TRAPPC9: variants seen among roughly 807,000 people sequenced by gnomAD.
TRAPPC9 encodes IKK2 binding protein.
A neutral mutation model predicts 124.0 loss-of-function variants in TRAPPC9; 83 were observed. The ratio of observed to expected loss-of-function variants is 0.67; its 90% CI spans 0.56 to 0.80. TRAPPC9 has a LOEUF of 0.80. Among genes scored for constraint, TRAPPC9 ranks in the 30% least tolerant of loss-of-function variants. The pLI, the probability that TRAPPC9 is intolerant of heterozygous loss-of-function variation, is 0.00. For missense variants in TRAPPC9, 1,302 were observed against 1,508.3 expected, an observed-to-expected ratio of 0.86 and a Z score of 2.27; for synonymous variants, 638 against 617.5, an observed-to-expected ratio of 1.03 and a Z score of -0.49.
intron 17 of TRAPPC9, among the ~76,000 whole-genome samples, chr8:140,132,129 CT>C (rs1428216416): frequency 6.6e-6 from 1 of 152,230 alleles, no homozygotes; most frequent in Non-Finnish European, 1.5e-5. Flanking sequence ...AATCAAGACC[CT>C]GTTGCCTGGA....
chr8:139,824,752 G>A (rs117813104), intron 21 of TRAPPC9, among the ~76,000 whole-genome samples: 5 of 152,234 alleles, frequency 3.3e-5, no homozygotes, highest in Non-Finnish European at 5.9e-5. Context: ...TAATAGAGAT[G>A]TGGTTTTGCC....
At chr8:140,338,469 T>C (rs2067102222) in intron 9 of TRAPPC9, among the ~76,000 whole-genome samples, 1 of 152,178 alleles carries the variant, frequency 6.6e-6, no homozygotes, top group East Asian at 1.9e-4. Flanking sequence ...CCATGGTGCA[T>C]GGTACAGGTT....
At chr8:139,830,172 G>A (rs1376781322) in intron 21 of TRAPPC9, among the ~76,000 whole-genome samples, 3 of 152,112 alleles carry the variant, frequency 2.0e-5, no homozygotes, top group Admixed American at 6.5e-5. Flanking sequence ...TGACGTGCAC[G>A]TGCACACACA....
chr8:139,872,550 G>A lies in TRAPPC9; in HGVS notation c.3055+13329C>T, dbSNP rs562270881. The stretch of plus-strand genomic sequence containing the variant: ...TGGATGGATGGATGGATGGATGGAC[G>A]GATGGATGGGCTGGTGGATGGGTTG... On this transcript the variant is annotated intron_variant, in intron 21 of 22. Coordinates refer to ENST00000438773, the MANE Select transcript of TRAPPC9 (RefSeq NM_001160372.4). Among the ~76,000 whole-genome samples, 844 of 130,586 alleles carry A rather than the reference G, an allele frequency of 6.5e-3. 30 individuals carry two copies. The highest frequency in any genetic ancestry group is 0.021 in the African/African-American group (794 of 37,820). The allele number at this position is 130,586 out of a possible 152,430, so 85.7% of individuals were successfully genotyped here.
At chr8:140,120,414 T>C (rs1375946951) in intron 17 of TRAPPC9, among the ~76,000 whole-genome samples, 1 of 152,214 alleles carries the variant, frequency 6.6e-6, no homozygotes, top group Non-Finnish European at 1.5e-5. Flanking sequence ...ATTAATACAA[T>C]ATAGAGTGCT....
At chr8:139,828,879 G>A (rs1825800488) in intron 21 of TRAPPC9, among the ~76,000 whole-genome samples, 1 of 152,176 alleles carries the variant, frequency 6.6e-6, no homozygotes, top group African/African-American at 2.4e-5. Flanking sequence ...TGCAATCCGA[G>A]GGAGGGCTCA....
At chr8:139,789,511 A>T (rs1191818963) in intron 21 of TRAPPC9, among the ~76,000 whole-genome samples, 1 of 152,078 alleles carries the variant, frequency 6.6e-6, no homozygotes, top group Non-Finnish European at 1.5e-5. Flanking sequence ...CCTGAGCCAC[A>T]CTTTAACACA....
At chr8:140,040,294 G>A (rs1019611052) in intron 17 of TRAPPC9, 3 of 152,392 alleles carry the variant, frequency 2.0e-5, no homozygotes, top group African/African-American at 4.8e-5. Flanking sequence ...CTCTAACAAA[G>A]TGAAGTGTGA....
At chr8:140,264,894 G>A (rs1022473657) in intron 15 of TRAPPC9, among the ~76,000 whole-genome samples, 1 of 152,152 alleles carries the variant, frequency 6.6e-6, no homozygotes, top group Non-Finnish European at 1.5e-5. Context: ...GGATGACCAC[G>A]TGAGAGAGGG....
chr8:139,938,780 G>C (rs1441525943), intron 19 of TRAPPC9, among the ~76,000 whole-genome samples: 7 of 151,002 alleles, frequency 4.6e-5, no homozygotes, highest in African/African-American at 7.3e-5. Flanking sequence ...CGAGTAGCTG[G>C]GACTACAGGC....
At chr8:140,452,062 A>G (rs1257993513) in intron 1 of TRAPPC9, among the ~76,000 whole-genome samples, 1 of 150,940 alleles carries the variant, frequency 6.6e-6, no homozygotes, top group African/African-American at 2.4e-5. Flanking sequence ...TGAAAGCTGC[A>G]GTGAGCCAAG....
chr8:140,125,605 T>C (rs2061079630), intron 17 of TRAPPC9, among the ~76,000 whole-genome samples: 1 of 139,568 alleles, frequency 7.2e-6, no homozygotes, highest in Non-Finnish European at 1.5e-5. Flanking sequence ...TTTTTTTTTT[T>C]TTTTTTTGAG....
intron 17 of TRAPPC9, among the ~76,000 whole-genome samples, chr8:140,089,823 T>C (rs1166605111): frequency 1.3e-5 from 2 of 151,992 alleles, no homozygotes; most frequent in Non-Finnish European, 2.9e-5. Flanking sequence ...CTCACACCTG[T>C]AATCCCAACA....
At chr8:139,988,597 T>C in intron 19 of TRAPPC9, 129 bp downstream of exon 19, 1 of 692,560 alleles carries the variant, frequency 1.4e-6, no homozygotes, top group South Asian at 1.6e-5. Flanking sequence ...GTCACTACGG[T>C]ATCTCTGAAA....
chr8:139,896,936 C>G (rs1271986348), intron 20 of TRAPPC9, among the ~76,000 whole-genome samples: 1 of 152,236 alleles, frequency 6.6e-6, no homozygotes, highest in African/African-American at 2.4e-5. Flanking sequence ...CATTCTGCCC[C>G]TGCCTCTCAG....
chr8:140,311,182 C>T, intron 10 of TRAPPC9, 66 bp downstream of exon 10: 1 of 1,579,544 alleles, frequency 6.3e-7, no homozygotes, highest in Non-Finnish European at 8.6e-7. Flanking sequence ...TCTCTATTCA[C>T]AATCAGACTA....
chr8:140,013,898 A>G (rs143541276), intron 18 of TRAPPC9, among the ~76,000 whole-genome samples: 50 of 152,358 alleles, frequency 3.3e-4, no homozygotes, highest in African/African-American at 1.2e-3. Context: ...GGCTCGCTCA[A>G]AACCACAGCG....
intron 17 of TRAPPC9, among the ~76,000 whole-genome samples, chr8:140,047,465 C>A (rs770556901): frequency 3.9e-5 from 6 of 152,218 alleles, no homozygotes; most frequent in Non-Finnish European, 5.9e-5. Flanking sequence ...AAGGCGGGTC[C>A]CCAGGGGCCA....
chr8:140,122,222 T>G (rs563007684), intron 17 of TRAPPC9, among the ~76,000 whole-genome samples: 15 of 152,232 alleles, frequency 9.9e-5, no homozygotes, highest in Admixed American at 2.6e-4. Context: ...TACAAATAAC[T>G]GAATTCCACC....
Sources: gnomAD v4.1 joint callset for allele counts (sites outside exome capture counted in the v4.1 genomes callset) on GRCh38, gnomAD v4.1.1 for gene constraint, MANE v1.5 for transcripts, NCBI Gene and HGNC (gene_info 2026-07-23, HGNC 2026-07-21) for gene names.